Variants in ARHGAP10 observed in about 807,000 individuals in gnomAD.
ARHGAP10 encodes rho GTPase-activating protein 10.
Under a neutral mutation model 108.6 loss-of-function variants are expected in ARHGAP10, and 87 were observed. The observed-to-expected ratio is 0.80, with a 90% CI of 0.67 to 0.96. ARHGAP10 has a LOEUF of 0.96. ARHGAP10 is among the 40% of genes least tolerant of loss of function. The pLI is 0.00. For synonymous variants in ARHGAP10, 347 were observed against 341.1 expected, an observed-to-expected ratio of 1.02 and a Z score of -0.19; for missense variants, 939 against 954.5, an observed-to-expected ratio of 0.98 and a Z score of 0.21.
chr4:148,034,421 G>C (rs2149672233), intron 19 of ARHGAP10, among the ~76,000 whole-genome samples: 1 of 152,006 alleles, frequency 6.6e-6, no homozygotes, highest in African/African-American at 2.4e-5. Context: ...AGGTTCAAGT[G>C]ATTCTCCTGC....
chr4:148,067,038 C>T (rs1267808831), intron 22 of ARHGAP10, among the ~76,000 whole-genome samples: 1 of 152,170 alleles, frequency 6.6e-6, no homozygotes, highest in Admixed American at 6.5e-5. Context: ...AGGAGCTCCT[C>T]GTTCTGTCCC....
chr4:147,834,484 A>G (rs1733083425), intron 3 of ARHGAP10, among the ~76,000 whole-genome samples: 1 of 152,100 alleles, frequency 6.6e-6, no homozygotes, highest in South Asian at 2.1e-4. Context: ...AAAATTAATA[A>G]AATTCATTAA....
intron 1 of ARHGAP10, among the ~76,000 whole-genome samples, chr4:147,802,788 T>C (rs1335069791): frequency 6.6e-6 from 1 of 152,210 alleles, no homozygotes; most frequent in Non-Finnish European, 1.5e-5. Context: ...CTTCTCAAAG[T>C]TGTTTCTCAT....
intron 21 of ARHGAP10, 141 bp downstream of exon 21, chr4:148,063,441 AC>A: frequency 8.6e-7 from 1 of 1,161,860 alleles, no homozygotes; most frequent in Non-Finnish European, 1.2e-6. Flanking sequence ...GACAGCACTT[AC>A]CACCTTGTAT....
At chr4:147,826,679 C>T (rs182791641) in intron 3 of ARHGAP10, among the ~76,000 whole-genome samples, 361 of 152,260 alleles carry the variant, frequency 2.4e-3, no homozygotes, top group African/African-American at 8.4e-3. Flanking sequence ...CTCCTGTGAT[C>T]CCTACTCCCC....
At chr4:148,068,679 T>G (rs1730011633) in intron 22 of ARHGAP10, among the ~76,000 whole-genome samples, 2 of 152,204 alleles carry the variant, frequency 1.3e-5, no homozygotes, top group South Asian at 4.1e-4. Context: ...TTCAAGCTAC[T>G]GGTTGCCTCG....
At chr4:147,791,096 CTG>C (rs975131304) in intron 1 of ARHGAP10, among the ~76,000 whole-genome samples, 5 of 149,882 alleles carry the variant, frequency 3.3e-5, no homozygotes, top group African/African-American at 9.8e-5. Context: ...TAACAGCAAA[CTG>C]TACATATTCT....
At chr4:147,871,742 GT>G (rs1471690673) in intron 7 of ARHGAP10, among the ~76,000 whole-genome samples, 4 of 152,122 alleles carry the variant, frequency 2.6e-5, no homozygotes, top group Non-Finnish European at 5.9e-5. Context: ...AAATTGCAAG[GT>G]TTTAGCCATT....
chr4:147,974,150 G>A (rs1385126874), intron 18 of ARHGAP10, among the ~76,000 whole-genome samples: 2 of 152,092 alleles, frequency 1.3e-5, no homozygotes, highest in African/African-American at 4.8e-5. Flanking sequence ...CACCAAGAGT[G>A]TACAGGGGTT....
intron 1 of ARHGAP10, among the ~76,000 whole-genome samples, chr4:147,760,793 C>T (rs1456177564): frequency 1.3e-5 from 2 of 152,108 alleles, no homozygotes; most frequent in Non-Finnish European, 2.9e-5. Context: ...CTATGTTAGT[C>T]TCCTCTGGGA....
At chr4:147,798,148 TTC>T (rs2126755869) in intron 1 of ARHGAP10, among the ~76,000 whole-genome samples, 1 of 152,262 alleles carries the variant, frequency 6.6e-6, no homozygotes, top group African/African-American at 2.4e-5. Context: ...TTTTTTTTTT[TTC>T]GTAAGGGATA....
At chr4:147,882,695 CT>C (rs1203698234) in intron 10 of ARHGAP10, among the ~76,000 whole-genome samples, 1 of 151,950 alleles carries the variant, frequency 6.6e-6, no homozygotes, top group Non-Finnish European at 1.5e-5. Flanking sequence ...AAGGTGAATT[CT>C]TTTTTTTCCT....
chr4:147,983,633 A>T (rs952962106), intron 18 of ARHGAP10, among the ~76,000 whole-genome samples: 2 of 151,528 alleles, frequency 1.3e-5, no homozygotes, highest in African/African-American at 2.4e-5. Context: ...CCTATAGTGA[A>T]TTTTTCAATT....
At chr4:147,856,118 T>C (rs1412436821) in intron 4 of ARHGAP10, among the ~76,000 whole-genome samples, 3 of 152,226 alleles carry the variant, frequency 2.0e-5, no homozygotes, top group Non-Finnish European at 4.4e-5. Context: ...TCATTGATAC[T>C]CAAGAATGTT....
intron 13 of ARHGAP10, among the ~76,000 whole-genome samples, chr4:147,913,857 TA>T (rs913329519): frequency 5.9e-5 from 9 of 152,076 alleles, no homozygotes; most frequent in Non-Finnish European, 1.0e-4. Context: ...GGTCCCTGTT[TA>T]AAAAAATCAG....
At chr4:147,944,665 T>C (rs1171459779) in intron 14 of ARHGAP10, among the ~76,000 whole-genome samples, 4 of 152,076 alleles carry the variant, frequency 2.6e-5, no homozygotes, top group Non-Finnish European at 5.9e-5. Flanking sequence ...ACAAATACAG[T>C]ATAAGGGAGG....
chr4:147,795,249 A>G (rs752229667), intron 1 of ARHGAP10, among the ~76,000 whole-genome samples: 2 of 152,126 alleles, frequency 1.3e-5, no homozygotes, highest in Non-Finnish European at 2.9e-5. Context: ...TGCTATGCCC[A>G]TTTGAGTTTT....
Position 147,785,933 on chromosome 4 carries a change from C to A in ARHGAP10, c.155-36794C>A, listed in dbSNP as rs568478402. Among the ~76,000 whole-genome samples, 12 of 152,222 alleles carry A rather than the reference C, an allele frequency of 7.9e-5. No homozygotes were observed. In the South Asian group the frequency reaches 2.5e-3, roughly 32 times the overall value. ...TTGTCACCAAATACATTTTTCAAGT[C>A]TCTAGTAGTGAAAAACTGAGTGTAT... is the stretch of plus-strand genomic sequence containing the variant. On this transcript the variant is annotated intron_variant, in intron 1 of 22. Transcript: ENST00000336498.
At chr4:147,896,288 TAA>T (rs1735990540) in intron 10 of ARHGAP10, among the ~76,000 whole-genome samples, 1 of 152,206 alleles carries the variant, frequency 6.6e-6, no homozygotes, top group South Asian at 2.1e-4. Flanking sequence ...ATATTGGTAT[TAA>T]GTGTTTGAGG....
Sources: gnomAD v4.1 joint callset for allele counts (sites outside exome capture counted in the v4.1 genomes callset) on GRCh38, gnomAD v4.1.1 for gene constraint, MANE v1.5 for transcripts, NCBI Gene and HGNC (gene_info 2026-07-23, HGNC 2026-07-21) for gene names.